Variants in ANAPC1 observed in about 807,000 individuals in gnomAD.
ANAPC1 encodes the protein anaphase-promoting complex subunit 1.
Under a neutral mutation model 208.0 loss-of-function variants are expected in ANAPC1, and 36 were observed. The observed-to-expected ratio is 0.17, with a 90% CI of 0.13 to 0.23. The LOEUF (loss-of-function observed/expected upper bound fraction) is 0.23. Ranked by LOEUF, ANAPC1 falls within the 10% of genes least tolerant of loss-of-function variation. ANAPC1 has a pLI of 1.00. For synonymous variants in ANAPC1, 378 were observed against 695.2 expected, an observed-to-expected ratio of 0.54 and a Z score of 7.18; for missense variants, 942 against 2,011.6, an observed-to-expected ratio of 0.47 and a Z score of 10.17.
At chr2:111,833,336 A>C (rs1680266934) in intron 19 of ANAPC1, 25 bp from the exon 20 acceptor site, 2 of 1,557,756 alleles carry the variant, frequency 1.3e-6, no homozygotes, top group East Asian at 4.5e-5. Flanking sequence ...GCATGTAAAA[A>C]AGAAGGTATT....
intron 10 of ANAPC1, among the ~76,000 whole-genome samples, chr2:111,861,293 C>T (rs1402976245): frequency 1.3e-5 from 2 of 152,188 alleles, no homozygotes. Flanking sequence ...GCAGGTTGGT[C>T]TTGAACTCCT....
intron 20 of ANAPC1, among the ~76,000 whole-genome samples, chr2:111,832,936 T>TAAAAAAAAAAAAAAAAAAAAAAAAAAAA: frequency 6.3e-5 from 1 of 15,958 alleles, no homozygotes; most frequent in South Asian, 2.7e-3. Flanking sequence ...AGACTCAGTC[T>TAAAAAAAAAAAAAAAAAAAAAAAAAAAA]CAAAAAAAAA....
intron 42 of ANAPC1, 45 bp from the exon 43 acceptor site, chr2:111,782,552 T>A (rs1385592438): frequency 1.1e-5 from 18 of 1,611,244 alleles, no homozygotes; most frequent in Non-Finnish European, 1.5e-5. Flanking sequence ...TACTGGCAGT[T>A]CTTGGCTGGA....
chr2:111,813,406 C>T (rs1292062610), intron 28 of ANAPC1, among the ~76,000 whole-genome samples: 5 of 152,112 alleles, frequency 3.3e-5, no homozygotes, highest in Non-Finnish European at 7.3e-5. Context: ...ATTATGGCTC[C>T]AGGACAGACT....
chr2:111,792,851 G>T (rs1003242572), intron 37 of ANAPC1, among the ~76,000 whole-genome samples: 3 of 152,140 alleles, frequency 2.0e-5, no homozygotes, highest in African/African-American at 7.2e-5. Context: ...TGCTCGGGAG[G>T]CTGAGGCAGA....
intron 28 of ANAPC1, among the ~76,000 whole-genome samples, chr2:111,812,145 T>C (rs1192104690): frequency 2.6e-4 from 37 of 143,692 alleles, no homozygotes; most frequent in African/African-American, 9.0e-4. Flanking sequence ...TTTACAAGAT[T>C]TGAGGCAGAT....
intron 28 of ANAPC1, among the ~76,000 whole-genome samples, chr2:111,812,844 A>C (rs1210248289): frequency 1.1e-5 from 1 of 92,168 alleles, no homozygotes; most frequent in Admixed American, 1.1e-4. Flanking sequence ...CCATACAGGC[A>C]TATAAACCTC....
At chr2:111,820,003 G>A (rs1679434678) in intron 26 of ANAPC1, among the ~76,000 whole-genome samples, 1 of 152,040 alleles carries the variant, frequency 6.6e-6, no homozygotes, top group Admixed American at 6.6e-5. Flanking sequence ...CTTTGCGCAA[G>A]TAACAAAATT....
chr2:111,769,588 T>C (rs903345462), intron 47 of ANAPC1, among the ~76,000 whole-genome samples, 182 bp from the exon 48 acceptor site: 4 of 152,036 alleles, frequency 2.6e-5, no homozygotes, highest in Non-Finnish European at 5.9e-5. Flanking sequence ...GTAAATTGAG[T>C]ATCCCTTTTC....
chr2:111,829,490 G>A (rs1045699939), intron 21 of ANAPC1, among the ~76,000 whole-genome samples: 71 of 151,998 alleles, frequency 4.7e-4, no homozygotes, highest in African/African-American at 1.5e-3. Context: ...ACCCCACCTG[G>A]AAAGGCCCAC....
chr2:111,882,435 A>C (rs1683352051), intron 1 of ANAPC1, among the ~76,000 whole-genome samples: 3 of 151,894 alleles, frequency 2.0e-5, no homozygotes, highest in African/African-American at 7.3e-5. Flanking sequence ...GCTGTGAATT[A>C]AATGTTATTC....
chr2:111,846,884 TTA>T (rs1006945606), intron 16 of ANAPC1, among the ~76,000 whole-genome samples: 2 of 151,986 alleles, frequency 1.3e-5, no homozygotes, highest in African/African-American at 4.8e-5. Context: ...TGTCCATATA[TTA>T]TTATACTGCA....
rs7583762 is a variant in ANAPC1, at chr2:111,858,503, G to A, written c.1263-102C>T. On this transcript the variant is annotated intron_variant, in intron 10 of 47. Coordinates refer to ENST00000341068, the MANE Select transcript of ANAPC1 (RefSeq NM_022662.4). ...AGGCCGGGCGCGGTGGCTCACACCT[G>A]TAATCCCAACACTTTGGGAGGCCGA... 4,632 of 830,954 alleles carry A rather than the reference G, an allele frequency of 5.6e-3. 100 individuals carry two copies. In the African/African-American group the frequency reaches 0.073, roughly 13 times the overall value. 51.5% of individuals were successfully genotyped at this position (830,954 alleles called of 1,614,324 possible). A position where few individuals can be genotyped will look rare whatever the true frequency, so the allele number is the denominator to read the frequency against.
intron 25 of ANAPC1, 146 bp from the exon 26 acceptor site, chr2:111,821,599 A>G: frequency 1.5e-6 from 1 of 656,542 alleles, no homozygotes; most frequent in Non-Finnish European, 2.7e-6. Context: ...TGGAGCCGCA[A>G]TGTATACTGG....
intron 7 of ANAPC1, among the ~76,000 whole-genome samples, chr2:111,866,740 A>C (rs1682439446): frequency 6.7e-6 from 1 of 150,096 alleles, no homozygotes; most frequent in South Asian, 2.1e-4. Context: ...AAAAAAAATG[A>C]AAATAAAACG....
intron 25 of ANAPC1, among the ~76,000 whole-genome samples, chr2:111,821,926 A>AT (rs1360303953): frequency 6.6e-6 from 1 of 151,872 alleles, no homozygotes; most frequent in Non-Finnish European, 1.5e-5. Flanking sequence ...AAAAAAACAC[A>AT]TTTTTTCCCT....
intron 29 of ANAPC1, among the ~76,000 whole-genome samples, chr2:111,808,277 G>C (rs1043028137): frequency 2.0e-5 from 3 of 151,982 alleles, no homozygotes; most frequent in African/African-American, 7.3e-5. Context: ...AATCCATATA[G>C]AAAAGATCTT....
In ANAPC1 at chr2:111,832,937, C is replaced by CAAAAAAAA. The variant is rs908553180; in HGVS notation, c.2476+275_2476+282dup. 5.3e-3 allele frequency among the ~76,000 whole-genome samples: 283 copies of CAAAAAAAA among 53,604 alleles called. 30 individuals carry two copies. The highest frequency in any genetic ancestry group is 0.016 in the African/African-American group (247 of 15,580). 35.2% of individuals were successfully genotyped at this position (53,604 alleles called of 152,430 possible). On this transcript the variant is annotated intron_variant, in intron 20 of 47. Coordinates refer to ENST00000341068, the MANE Select transcript of ANAPC1 (RefSeq NM_022662.4). ...TGGGTGACAGAGCGAGACTCAGTCT[C>CAAAAAAAA]AAAAAAAAAAAAAAAAAAAGCATCC...
chr2:111,841,619 G>A (rs11122988), intron 17 of ANAPC1, among the ~76,000 whole-genome samples: 88,133 of 151,746 alleles, frequency 0.58, 26,531 homozygotes, highest in South Asian at 0.69. Flanking sequence ...ATAAGAGCAG[G>A]AAGGTGAGCA....
Sources: allele counts gnomAD v4.1 joint callset (sites outside exome capture counted in the v4.1 genomes callset), GRCh38; gene constraint gnomAD v4.1.1; transcripts MANE v1.5; gene names NCBI Gene and HGNC (gene_info 2026-07-23, HGNC 2026-07-21).